GM2A: variants seen among roughly 807,000 people sequenced by gnomAD.
GM2A encodes ganglioside GM2 activator.
GM2A carries 7 observed loss-of-function variants against 12.9 expected under a neutral mutation model. The ratio of observed to expected loss-of-function variants is 0.54; its 90% CI spans 0.31 to 1.02. The LOEUF (loss-of-function observed/expected upper bound fraction) is 1.02. Among genes scored for constraint, GM2A ranks in the 50% least tolerant of loss-of-function variants. The probability of loss-of-function intolerance (pLI) is 0.05; values close to 1 mark genes in which losing one functional copy is unlikely to be tolerated. For synonymous variants in GM2A, 101 were observed against 96.0 expected, an observed-to-expected ratio of 1.05 and a Z score of -0.30; for missense variants, 246 against 241.0, an observed-to-expected ratio of 1.02 and a Z score of -0.14.
chr5:151,256,267 T>C (rs1753682776), intron 1 of GM2A, among the ~76,000 whole-genome samples: 1 of 151,986 alleles, frequency 6.6e-6, no homozygotes, highest in Non-Finnish European at 1.5e-5. Context: ...GGCTATGTGC[T>C]TTTTTCCTAA....
chr5:151,257,909 C>G (rs1753722085), intron 1 of GM2A, among the ~76,000 whole-genome samples: 1 of 152,242 alleles, frequency 6.6e-6, no homozygotes, highest in Non-Finnish European at 1.5e-5. Context: ...ACCTTCTGCT[C>G]TTTTCCTTTG....
intron 1 of GM2A, 56 bp downstream of exon 1, chr5:151,253,353 G>T: frequency 7.6e-7 from 1 of 1,319,950 alleles, no homozygotes; most frequent in African/African-American, 1.4e-5. Flanking sequence ...AGCTACGGGT[G>T]TGCGGGTCTG....
At chr5:151,260,172 A>G (rs1753769643) in intron 2 of GM2A, among the ~76,000 whole-genome samples, 2 of 152,216 alleles carry the variant, frequency 1.3e-5, no homozygotes, top group South Asian at 2.1e-4. Flanking sequence ...ACCTGGCAGA[A>G]GCGTCCTGGC....
rs76442142 is a variant in GM2A at position 151,255,583 on chromosome 5, C to T, written c.81+2286C>T. ...TGTAAGATGGGTGTGATGGTGCCAA[C>T]GTGCATCTCGGGGAGTTGTCGGTGA... On this transcript the variant is annotated intron_variant, in intron 1 of 3. Transcript: ENST00000357164. 5.1e-3 allele frequency among the ~76,000 whole-genome samples: 774 copies of T among 152,202 alleles called. 2 individuals are homozygous for T. Among genetic ancestry groups the T allele is most frequent in the African/African-American group, 0.018 (728 of 41,506 alleles).
intron 2 of GM2A, among the ~76,000 whole-genome samples, chr5:151,262,225 C>T (rs1010617857): frequency 4.6e-5 from 7 of 152,236 alleles, no homozygotes; most frequent in African/African-American, 1.7e-4. Context: ...GTCCTTTCCT[C>T]TCTAGCTAAA....
intron 3 of GM2A, 83 bp downstream of exon 3, chr5:151,266,996 T>A: frequency 9.1e-7 from 1 of 1,101,400 alleles, no homozygotes; most frequent in Middle Eastern, 2.0e-4. Flanking sequence ...ATTCTCCTTC[T>A]GCAGATCTGC....
intron 1 of GM2A, 44 bp downstream of exon 1, chr5:151,253,341 C>A (rs1753624987): frequency 7.0e-7 from 1 of 1,424,974 alleles, no homozygotes; most frequent in Non-Finnish European, 9.9e-7. Flanking sequence ...GCCTCCTGGC[C>A]CAGCTACGGG....
chr5:151,268,249 G>A lies in GM2A; in HGVS notation c.*798G>A, dbSNP rs1356088828. The A allele has an allele frequency of 5.7e-6, 3 of 523,442 alleles. No individual in the cohort carries two copies. Among genetic ancestry groups the A allele is most frequent in the Non-Finnish European group, 7.3e-6 (3 of 408,882 alleles). 32.4% of individuals were successfully genotyped at this position (523,442 alleles called of 1,614,324 possible). A position where few individuals can be genotyped will look rare whatever the true frequency, so the allele number is the denominator to read the frequency against. On this transcript the variant is annotated 3_prime_UTR_variant, in exon 4 of 4. Transcript: ENST00000357164. The stretch of plus-strand genomic sequence containing the variant: ...CACCTCACTGCAACCTCCGCCTCCT[G>A]GGTTCAAGCAATTCTCCTGCCTCAG...
At position 151,269,867 on chromosome 5, in the gene GM2A, CA is replaced by C; in HGVS notation, c.*2419del. 1 of 604,170 alleles carries C rather than the reference CA, an allele frequency of 1.7e-6. No individual in the cohort carries two copies. Among genetic ancestry groups the C allele is most frequent in the Non-Finnish European group, 2.2e-6 (1 of 458,332 alleles). 37.4% of individuals were successfully genotyped at this position (604,170 alleles called of 1,614,324 possible). On this transcript the variant is annotated 3_prime_UTR_variant, in exon 4 of 4. Coordinates refer to ENST00000357164, the MANE Select transcript of GM2A (RefSeq NM_000405.5). ...CATTCTTCTAATACCTTTCCTTTTT[CA>C]AACCTATACTGTTGTTGGTGAATTC...
intron 1 of GM2A, among the ~76,000 whole-genome samples, chr5:151,257,066 A>G (rs1753703871): frequency 6.6e-6 from 1 of 152,188 alleles, no homozygotes; most frequent in Admixed American, 6.5e-5. Flanking sequence ...GGTCTTAGCT[A>G]GTAAGACTGG....
Position 151,257,810 on chromosome 5 carries a change from A to G in GM2A, c.82-1945A>G, listed in dbSNP as rs77398115. Among the ~76,000 whole-genome samples, 718 of 152,254 alleles carry G rather than the reference A, an allele frequency of 4.7e-3. 7 individuals carry two copies. The highest frequency in any genetic ancestry group is 0.015 in the African/African-American group (608 of 41,550). ...CTGAGTTCCCTCGGCCTGCACTTAC[A>G]TGTCTGACTCCGCATCCTGCAAGAG... On this transcript the variant is annotated intron_variant, in intron 1 of 3. Transcript: ENST00000357164.
rs1753897033 is a variant in GM2A, at chr5:151,266,852, G to A, written c.365G>A (p.Gly122Glu). Reference sequence around the variant, plus strand: ...GTGCTTGACATGTTAATTCCTACTGGGGAGCCCTGCCCAGAGCCCCTGCGT... The same window carrying A: ...GTGCTTGACATGTTAATTCCTACTGAGGAGCCCTGCCCAGAGCCCCTGCGT... ...CDVLDMLIPT[G>E]EPCPEPLRTY... The change falls in exon 3 of 4, where the codon GGG becomes GAG. Residue 122 changes from glycine (G) to glutamate (E), a missense_variant. Gly to Glu is a moderately conservative substitution (Grantham distance 98). Transcript: ENST00000357164. 2.5e-6 allele frequency: 4 copies of A among 1,613,908 alleles called. No homozygotes were observed. Among genetic ancestry groups the A allele is most frequent in the Non-Finnish European group, 2.5e-6 (3 of 1,179,836 alleles).
At chr5:151,255,374 C>G (rs1753667105) in intron 1 of GM2A, among the ~76,000 whole-genome samples, 1 of 152,206 alleles carries the variant, frequency 6.6e-6, no homozygotes, top group Non-Finnish European at 1.5e-5. Flanking sequence ...AGACATCACA[C>G]ATTTCTGGTA....
At chr5:151,261,844 G>A (rs1753805188) in intron 2 of GM2A, among the ~76,000 whole-genome samples, 1 of 152,240 alleles carries the variant, frequency 6.6e-6, no homozygotes, top group Non-Finnish European at 1.5e-5. Context: ...AAAGTGCTGG[G>A]ATTATAGGCT....
chr5:151,269,685 A>C lies in GM2A; in HGVS notation c.*2234A>C, dbSNP rs528335575. ...ATTTCTTTTCCCCGAAAAAAACCTT[A>C]GAAGTAACTAAAATTTCTGTACATC... On this transcript the variant is annotated 3_prime_UTR_variant, in exon 4 of 4. Coordinates refer to ENST00000357164, the MANE Select transcript of GM2A (RefSeq NM_000405.5). The C allele has an allele frequency of 6.1e-6, 1 of 165,046 alleles. No homozygotes were observed. Among genetic ancestry groups the C allele is most frequent in the African/African-American group, 2.4e-5 (1 of 41,846 alleles). 10.2% of individuals were successfully genotyped at this position (165,046 alleles called of 1,614,324 possible). A position where few individuals can be genotyped will look rare whatever the true frequency, so the allele number is the denominator to read the frequency against.
chr5:151,266,995 C>G, intron 3 of GM2A, 82 bp downstream of exon 3: 2 of 1,097,886 alleles, frequency 1.8e-6, no homozygotes, highest in Non-Finnish European at 2.8e-6. Flanking sequence ...CATTCTCCTT[C>G]TGCAGATCTG....
In GM2A at chr5:151,268,205, G is replaced by A; in HGVS notation, c.*754G>A. The A allele has an allele frequency of 1.2e-6, 1 of 830,348 alleles. No homozygotes were observed. The highest frequency in any genetic ancestry group is 1.5e-6 in the Non-Finnish European group (1 of 688,858). 51.4% of individuals were successfully genotyped at this position (830,348 alleles called of 1,614,324 possible). On this transcript the variant is annotated 3_prime_UTR_variant, in exon 4 of 4. Transcript: ENST00000357164. Reference sequence around the variant, plus strand: ...AGAATCTCACTTTGTCACCAGGCTGGAGTGCAGTGGTGCAATCTCACCTCA... The same window carrying A: ...AGAATCTCACTTTGTCACCAGGCTGAAGTGCAGTGGTGCAATCTCACCTCA...
At chr5:151,260,675 A>G (rs1446164396) in intron 2 of GM2A, among the ~76,000 whole-genome samples, 1 of 152,212 alleles carries the variant, frequency 6.6e-6, no homozygotes, top group Non-Finnish European at 1.5e-5. Flanking sequence ...GTGATAAGGG[A>G]TAAGCACTTT....
chr5:151,266,042 A>C (rs1329782236), intron 2 of GM2A, among the ~76,000 whole-genome samples: 1 of 152,248 alleles, frequency 6.6e-6, no homozygotes, highest in Non-Finnish European at 1.5e-5. Context: ...AGTCCTATGC[A>C]GAAAAGGATT....
Sources: gnomAD v4.1 joint callset for allele counts (sites outside exome capture counted in the v4.1 genomes callset) on GRCh38, gnomAD v4.1.1 for gene constraint, MANE v1.5 for transcripts, NCBI Gene and HGNC (gene_info 2026-07-23, HGNC 2026-07-21) for gene names.